PTPRG: variants seen among roughly 807,000 people sequenced by gnomAD.
The protein encoded by PTPRG is receptor-type tyrosine-protein phosphatase gamma.
PTPRG carries 102 observed loss-of-function variants against 165.3 expected under a neutral mutation model. That is an observed-to-expected ratio of 0.62 (90% CI 0.53 to 0.73). The LOEUF (loss-of-function observed/expected upper bound fraction) is 0.73, where lower values mean the gene tolerates loss of function less well. PTPRG is among the 30% of genes least tolerant of loss of function. The pLI, the probability that PTPRG is intolerant of heterozygous loss-of-function variation, is 0.00. For synonymous variants in PTPRG, 675 were observed against 669.5 expected (o/e 1.01, Z -0.13); for missense variants, 1,866 against 1,861.4 (o/e 1.00, Z -0.05).
intron 1 of PTPRG, chr3:61,739,011 G>C (rs2032881044): frequency 8.0e-6 from 1 of 125,506 alleles, no homozygotes; most frequent in Non-Finnish European, 1.6e-5. Context: ...TTTTGGTAGA[G>C]ATGGGGTCTT....
intron 2 of PTPRG, among the ~76,000 whole-genome samples, chr3:61,942,077 T>G (rs2039645428): frequency 6.6e-6 from 1 of 151,874 alleles, no homozygotes; most frequent in South Asian, 2.1e-4. Context: ...GAGAGTCACT[T>G]GAACCCTTGT....
intron 2 of PTPRG, among the ~76,000 whole-genome samples, chr3:61,819,147 T>C (rs1335583068): frequency 6.6e-6 from 1 of 152,170 alleles, no homozygotes; most frequent in Non-Finnish European, 1.5e-5. Context: ...TGGAGTATCA[T>C]ATTTAAGATA....
rs1013006468 is a variant in PTPRG, at chr3:62,190,430, A to T, written c.1034-1039A>T. Among the ~76,000 whole-genome samples the T allele has an allele frequency of 6.6e-6, 1 of 152,170 alleles. No homozygotes were observed. The highest frequency in any genetic ancestry group is 2.4e-5 in the African/African-American group (1 of 41,436). ...CTGAGAAAGCACACATTTCCGGCTG[A>T]CTGGATTGGACCTGTTGAGCATTTG... On this transcript the variant is annotated intron_variant, in intron 8 of 29. Coordinates refer to ENST00000474889, the MANE Select transcript of PTPRG (RefSeq NM_002841.4). The surrounding 1 kb of genome is among the most constrained non-coding windows in gnomAD (Gnocchi z 5.2).
intron 1 of PTPRG, among the ~76,000 whole-genome samples, chr3:61,596,143 A>G (rs895998493): frequency 6.6e-6 from 1 of 152,202 alleles, no homozygotes; most frequent in Non-Finnish European, 1.5e-5. Flanking sequence ...TGGGACAAAG[A>G]GTATTCTTGA....
chr3:62,062,771 C>T (rs911222780), intron 4 of PTPRG, among the ~76,000 whole-genome samples: 1 of 151,984 alleles, frequency 6.6e-6, no homozygotes, highest in Non-Finnish European at 1.5e-5. Context: ...CAAGTGATTG[C>T]TCTACTTCAG....
At chr3:61,782,494 A>T (rs2034574324) in intron 2 of PTPRG, among the ~76,000 whole-genome samples, 2 of 152,236 alleles carry the variant, frequency 1.3e-5, no homozygotes, top group Admixed American at 1.3e-4. Flanking sequence ...CAGACATTGG[A>T]CATATAATTT....
At chr3:61,932,137 A>G (rs1397434500) in intron 2 of PTPRG, among the ~76,000 whole-genome samples, 1 of 152,254 alleles carries the variant, frequency 6.6e-6, no homozygotes, top group East Asian at 1.9e-4. Flanking sequence ...TTATATATCT[A>G]CCACTAAGTG....
chr3:61,657,682 T>C (rs1320235), intron 1 of PTPRG, among the ~76,000 whole-genome samples: 150,503 of 152,248 alleles, frequency 0.99, 74,428 homozygotes, highest in East Asian at 1. Context: ...CCTCATGCCT[T>C]CAACTTTCTT....
At chr3:61,712,093 C>G (rs1181552616) in intron 1 of PTPRG, among the ~76,000 whole-genome samples, 1 of 151,992 alleles carries the variant, frequency 6.6e-6, no homozygotes, top group Non-Finnish European at 1.5e-5. Flanking sequence ...GGGGTTTCGC[C>G]ATGTTGGCCA....
At chr3:61,566,743 G>T (rs1027945302) in intron 1 of PTPRG, among the ~76,000 whole-genome samples, 2 of 152,206 alleles carry the variant, frequency 1.3e-5, no homozygotes, top group Non-Finnish European at 2.9e-5. Flanking sequence ...CTGACCTCAG[G>T]TGCTCTGCCC....
At chr3:61,752,144 A>T (rs1391608783) in intron 2 of PTPRG, among the ~76,000 whole-genome samples, 1 of 152,170 alleles carries the variant, frequency 6.6e-6, no homozygotes, top group East Asian at 1.9e-4. Flanking sequence ...ACAGTGGGTG[A>T]TGACTGGATA....
At chr3:61,991,833 T>G (rs33082) in intron 3 of PTPRG, among the ~76,000 whole-genome samples, 83,369 of 152,048 alleles carry the variant, frequency 0.55, 23,775 homozygotes, top group African/African-American at 0.71. Flanking sequence ...ACACGTTTCA[T>G]TGACAGCTTT....
chr3:61,973,559 C>T (rs189366914), intron 2 of PTPRG, among the ~76,000 whole-genome samples: 3 of 152,206 alleles, frequency 2.0e-5, no homozygotes, highest in Admixed American at 6.5e-5. Flanking sequence ...GGTCCAGATG[C>T]GGTGGCTCAT....
intron 13 of PTPRG, 116 bp from the exon 14 acceptor site, chr3:62,231,109 G>A: frequency 4.3e-6 from 3 of 699,808 alleles, no homozygotes; most frequent in Non-Finnish European, 6.3e-6. Flanking sequence ...GATGAGGCCT[G>A]ATGACGGGGT....
At chr3:61,799,837 A>G (rs937412956) in intron 2 of PTPRG, among the ~76,000 whole-genome samples, 8 of 152,288 alleles carry the variant, frequency 5.3e-5, no homozygotes, top group Admixed American at 5.2e-4. Flanking sequence ...GAGAGTGTGG[A>G]CATAACATTT....
At chr3:62,110,617 A>G (rs1240769300) in intron 5 of PTPRG, among the ~76,000 whole-genome samples, 1 of 151,964 alleles carries the variant, frequency 6.6e-6, no homozygotes, top group Non-Finnish European at 1.5e-5. Flanking sequence ...TGAAAAGTGC[A>G]ATAGAGTTTG....
chr3:61,836,096 C>T (rs1044616508), intron 2 of PTPRG, among the ~76,000 whole-genome samples: 1 of 136,558 alleles, frequency 7.3e-6, no homozygotes. Flanking sequence ...TACACACACA[C>T]ACACCTGAAC....
At chr3:61,713,550 G>A (rs2031667373) in intron 1 of PTPRG, among the ~76,000 whole-genome samples, 1 of 152,040 alleles carries the variant, frequency 6.6e-6, no homozygotes, top group Admixed American at 6.6e-5. Flanking sequence ...AGAGAATGAG[G>A]CAGATAAAAT....
Position 61,864,152 on chromosome 3 carries a change from A to G in PTPRG, c.190+115170A>G, listed in dbSNP as rs74453477. Reference sequence around the variant, plus strand: ...GTTATTAGGAGAACACAGTCAAACAATCCCTTCAAAATCCTCTCTTTGAAC... The same window carrying G: ...GTTATTAGGAGAACACAGTCAAACAGTCCCTTCAAAATCCTCTCTTTGAAC... On this transcript the variant is annotated intron_variant, in intron 2 of 29. Transcript: ENST00000474889. Among the ~76,000 whole-genome samples the G allele has an allele frequency of 1.6e-3, 241 of 152,268 alleles. 1 individual carries two copies. The highest frequency in any genetic ancestry group is 5.3e-3 in the African/African-American group (221 of 41,550).
Sources: allele counts gnomAD v4.1 joint callset (sites outside exome capture counted in the v4.1 genomes callset), GRCh38; gene constraint gnomAD v4.1.1; non-coding constraint Gnocchi (gnomAD v3.1); transcripts MANE v1.5; gene names NCBI Gene and HGNC (gene_info 2026-07-23, HGNC 2026-07-21).